CEMIP: variants seen among roughly 807,000 people sequenced by gnomAD.
CEMIP encodes the protein cell migration-inducing and hyaluronan-binding protein.
A neutral mutation model predicts 156.9 loss-of-function variants in CEMIP; 105 were observed. That is an observed-to-expected ratio of 0.67 (90% confidence interval 0.57 to 0.79). CEMIP has a LOEUF of 0.79. Among genes scored for constraint, CEMIP ranks in the 30% least tolerant of loss-of-function variants. CEMIP has a pLI of 0.00. For synonymous variants in CEMIP, 676 were observed against 668.4 expected (o/e 1.01, Z -0.17); for missense variants, 1,457 against 1,769.4 (o/e 0.82, Z 3.17).
intron 12 of CEMIP, among the ~76,000 whole-genome samples, chr15:80,905,055 G>A (rs749291962): frequency 2.6e-5 from 4 of 152,210 alleles, no homozygotes; most frequent in East Asian, 1.9e-4. Flanking sequence ...CAGGATATGC[G>A]CAGGGTGAAG....
intron 28 of CEMIP, 142 bp from the exon 29 acceptor site, chr15:80,946,823 G>A: frequency 1.4e-6 from 1 of 701,894 alleles, no homozygotes; most frequent in Non-Finnish European, 2.6e-6. Flanking sequence ...ACACAGGAGA[G>A]GCTGCCCTTT....
chr15:80,866,625 A>G (rs1898135038), intron 1 of CEMIP, among the ~76,000 whole-genome samples: 1 of 148,386 alleles, frequency 6.7e-6, no homozygotes, highest in African/African-American at 2.5e-5. Context: ...ATAAATAAAT[A>G]AATAAATAAA....
chr15:80,880,398 T>C (rs1161322445), intron 5 of CEMIP, among the ~76,000 whole-genome samples: 1 of 152,202 alleles, frequency 6.6e-6, no homozygotes, highest in African/African-American at 2.4e-5. Context: ...TTTATTTTGG[T>C]CTGGCTTAGG....
In CEMIP at chr15:80,878,862, A is replaced by G. The variant is rs1341917349; in HGVS notation, c.236A>G (p.Glu79Gly). 3 of 1,614,144 alleles carry G rather than the reference A, an allele frequency of 1.9e-6. No individual in the cohort carries two copies. The highest frequency in any genetic ancestry group is 2.5e-6 in the Non-Finnish European group (3 of 1,180,022). ...ACGGTCTATTCCATCCACATCTCAG[A>G]GGGAGGTAAGCCAATCTCTCTCTGC... ...SATVYSIHIS[E>G]GGKLVIKDHD... Residue 79 changes from glutamate (E) to glycine (G), a missense_variant, in exon 4 of 30, where the codon GAG becomes GGG. This residue lies in a region of CEMIP where 309 missense variants were observed against 340.8 expected (regional missense o/e 0.91). Coordinates refer to ENST00000394685, the MANE Select transcript of CEMIP (RefSeq NM_001293298.2).
At chr15:80,927,072 G>A (rs62035112) in intron 19 of CEMIP, among the ~76,000 whole-genome samples, 41,406 of 152,084 alleles carry the variant, frequency 0.27, 5,908 homozygotes, top group East Asian at 0.48. Flanking sequence ...CTTGTGATTC[G>A]CCCGCCTTGG....
rs192094741 is a variant in CEMIP at position 80,918,949 on chromosome 15, A to T, written c.1798-1145A>T. 1.0e-3 allele frequency among the ~76,000 whole-genome samples: 158 copies of T among 152,196 alleles called. 2 individuals are homozygous for T. The highest frequency in any genetic ancestry group is 2.2e-3 in the Admixed American group (34 of 15,282). On this transcript the variant is annotated intron_variant, in intron 14 of 29. Coordinates refer to ENST00000394685, the MANE Select transcript of CEMIP (RefSeq NM_001293298.2). ...AGAGATCATGGAGTTCAAGTCCTTC[A>T]TTTTTGCGGTGGAAAAAAAAGTGAC...
intron 1 of CEMIP, among the ~76,000 whole-genome samples, chr15:80,793,219 C>T (rs1031517894): frequency 1.3e-5 from 2 of 152,138 alleles, no homozygotes; most frequent in African/African-American, 4.8e-5. Flanking sequence ...GGCTGTGTAA[C>T]CTGTCCAATT....
chr15:80,836,958 G>A (rs895894082), intron 1 of CEMIP, among the ~76,000 whole-genome samples: 4 of 152,154 alleles, frequency 2.6e-5, no homozygotes, highest in South Asian at 2.1e-4. Flanking sequence ...TTTTGGAAAC[G>A]TTATTTCTAA....
chr15:80,875,807 A>C (rs1196708299), intron 3 of CEMIP, among the ~76,000 whole-genome samples: 1 of 152,080 alleles, frequency 6.6e-6, no homozygotes, highest in East Asian at 1.9e-4. Flanking sequence ...GATTCATACA[A>C]ATGAAAAGCC....
At chr15:80,886,672 A>G (rs998937269) in intron 7 of CEMIP, among the ~76,000 whole-genome samples, 1 of 152,234 alleles carries the variant, frequency 6.6e-6, no homozygotes, top group Non-Finnish European at 1.5e-5. Context: ...TTTAAACGAC[A>G]TGGGAGCCTT....
In CEMIP at chr15:80,948,919, T is replaced by C; in HGVS notation, c.4081T>C (p.Leu1361=). The change falls in exon 30 of 30, where the codon TTG becomes CTG. Residue 1361 remains leucine, a synonymous_variant. Transcript: ENST00000394685. ...CATCCCTGTGGTGAAGAAGAAGAAG[T>C]TGTGAGGACAGCTGCCGCCCGGTGC... ...VPIPVVKKKK[L] is the part of the protein sequence containing the mutation. 1 of 1,614,124 alleles carries C rather than the reference T, an allele frequency of 6.2e-7. No homozygotes were observed. Among genetic ancestry groups the C allele is most frequent in the Non-Finnish European group, 8.5e-7 (1 of 1,180,006 alleles).
chr15:80,939,713 G>A (rs1329748244), intron 25 of CEMIP, among the ~76,000 whole-genome samples: 1 of 152,154 alleles, frequency 6.6e-6, no homozygotes, highest in Non-Finnish European at 1.5e-5. Context: ...ATTCAGCAAC[G>A]CCTTAGGGAC....
Position 80,942,257 on chromosome 15 carries a change from A to G in CEMIP, c.3619A>G (p.Lys1207Glu). The G allele has an allele frequency of 2.5e-6, 4 of 1,613,724 alleles. No homozygotes were observed. The highest frequency in any genetic ancestry group is 3.4e-6 in the Non-Finnish European group (4 of 1,179,596). Residue 1207 changes from lysine to glutamate, a missense_variant, in exon 27 of 30, where the codon AAG becomes GAG. Transcript: ENST00000394685. ...GGTTCTATGTGTTTTCCAGAAAACAAAGGACCATTTCTTGGAGGTGAAGAT... is the reference window on the plus strand; with the variant it reads ...GGTTCTATGTGTTTTCCAGAAAACAGAGGACCATTTCTTGGAGGTGAAGAT... ...KKLFGSQLKT[K>E]DHFLEVKMES... is the part of the protein sequence containing the mutation.
chr15:80,940,562 A>G (rs1247472517), intron 25 of CEMIP, among the ~76,000 whole-genome samples: 2 of 152,188 alleles, frequency 1.3e-5, no homozygotes, highest in Admixed American at 1.3e-4. Context: ...GAATGCAGAT[A>G]TGGCTGCTCT....
At chr15:80,789,328 G>C (rs537832024) in intron 1 of CEMIP, among the ~76,000 whole-genome samples, 5 of 152,310 alleles carry the variant, frequency 3.3e-5, no homozygotes, top group Admixed American at 6.5e-5. Context: ...GGGATCTGAC[G>C]TTGCTCTCTT....
intron 1 of CEMIP, among the ~76,000 whole-genome samples, chr15:80,798,240 A>G (rs1896282798): frequency 6.6e-6 from 1 of 152,210 alleles, no homozygotes; most frequent in African/African-American, 2.4e-5. Context: ...TATATTTTTT[A>G]CATAACGTTG....
chr15:80,826,865 C>T (rs1897049401), intron 1 of CEMIP, among the ~76,000 whole-genome samples: 1 of 152,152 alleles, frequency 6.6e-6, no homozygotes, highest in Non-Finnish European at 1.5e-5. Flanking sequence ...GCTACCTGTT[C>T]CCTGATGGGT....
At chr15:80,830,814 G>A (rs1396111452) in intron 1 of CEMIP, among the ~76,000 whole-genome samples, 2 of 152,108 alleles carry the variant, frequency 1.3e-5, no homozygotes, top group Admixed American at 6.6e-5. Flanking sequence ...GGTTCAAGCT[G>A]TGGTTCTGCT....
chr15:80,898,735 G>A (rs1899335432), intron 12 of CEMIP, among the ~76,000 whole-genome samples: 1 of 152,144 alleles, frequency 6.6e-6, no homozygotes, highest in African/African-American at 2.4e-5. Flanking sequence ...AATGAACATA[G>A]GTCTGTCATA....
Sources: gnomAD v4.1 joint callset for allele counts (sites outside exome capture counted in the v4.1 genomes callset) on GRCh38, gnomAD v4.1.1 for gene constraint, gnomAD v4.1.1 regional missense constraint, MANE v1.5 for transcripts, NCBI Gene and HGNC (gene_info 2026-07-23, HGNC 2026-07-21) for gene names.